LRRC4C: variants seen among roughly 807,000 people sequenced by gnomAD.
LRRC4C encodes the protein leucine-rich repeat-containing protein 4C.
A neutral mutation model predicts 33.6 loss-of-function variants in LRRC4C; 5 were observed. That is an observed-to-expected ratio of 0.15 (90% CI 0.08 to 0.31). The LOEUF (loss-of-function observed/expected upper bound fraction) is 0.31. Among genes scored for constraint, LRRC4C ranks in the 10% least tolerant of loss-of-function variants. LRRC4C has a pLI of 1.00. For missense variants in LRRC4C, 560 were observed against 796.7 expected, an observed-to-expected ratio of 0.70 and a Z score of 3.58; for synonymous variants, 329 against 302.0, an observed-to-expected ratio of 1.09 and a Z score of -0.93.
intron 2 of LRRC4C, among the ~76,000 whole-genome samples, chr11:40,843,918 C>A (rs1386611824): frequency 2.0e-5 from 3 of 152,242 alleles, no homozygotes; most frequent in African/African-American, 7.2e-5. Context: ...ATATAAGGAG[C>A]TTTACATGGC....
rs183529684 is a variant in LRRC4C at position 40,991,050 on chromosome 11, T to A, written c.-495-57327A>T. 8.4e-4 allele frequency among the ~76,000 whole-genome samples: 125 copies of A among 149,188 alleles called. 1 individual carries two copies. The highest frequency in any genetic ancestry group is 1.2e-4 in the Non-Finnish European group (8 of 67,490). ...CAGAAATGGCTACCAACAGTCATTT[T>A]CTCAGAAAATAACAAAGTGAGTCTA... On this transcript the variant is annotated intron_variant, in intron 1 of 6. Coordinates refer to ENST00000528697, the MANE Select transcript of LRRC4C (RefSeq NM_001258419.2).
At chr11:41,232,830 A>ACAATTAGC (rs1255123350) in intron 1 of LRRC4C, among the ~76,000 whole-genome samples, 2 of 151,864 alleles carry the variant, frequency 1.3e-5, no homozygotes, top group African/African-American at 4.8e-5. Flanking sequence ...TCAAATAAGA[A>ACAATTAGC]CAATTAGCAA....
chr11:40,750,838 T>C (rs1342831868), intron 2 of LRRC4C, among the ~76,000 whole-genome samples: 3 of 149,244 alleles, frequency 2.0e-5, no homozygotes, highest in Non-Finnish European at 4.5e-5. Context: ...TAGAGACCAA[T>C]ACCCCTGCTG....
intron 3 of LRRC4C, among the ~76,000 whole-genome samples, chr11:40,363,363 T>C (rs954916951): frequency 2.0e-5 from 3 of 151,986 alleles, no homozygotes; most frequent in Non-Finnish European, 4.4e-5. Context: ...GAGAACACAT[T>C]ATATGAACAC....
At chr11:40,470,004 G>A (rs1031006287) in intron 3 of LRRC4C, among the ~76,000 whole-genome samples, 1 of 152,188 alleles carries the variant, frequency 6.6e-6, no homozygotes, top group African/African-American at 2.4e-5. Context: ...GAGAAGAGTG[G>A]ATCTCCCAGC....
At chr11:41,385,796 T>G (rs530476866) in intron 1 of LRRC4C, among the ~76,000 whole-genome samples, 2 of 151,674 alleles carry the variant, frequency 1.3e-5, no homozygotes, top group East Asian at 3.9e-4. Flanking sequence ...GGGAAGATAG[T>G]TACCCTGCAG....
intron 2 of LRRC4C, among the ~76,000 whole-genome samples, chr11:40,789,386 T>A (rs1950542976): frequency 6.6e-6 from 1 of 152,166 alleles, no homozygotes; most frequent in Admixed American, 6.5e-5. Flanking sequence ...CATCTATACA[T>A]ATAAGGCTTT....
chr11:40,923,493 G>T (rs1957279111), intron 2 of LRRC4C, among the ~76,000 whole-genome samples: 2 of 152,180 alleles, frequency 1.3e-5, no homozygotes, highest in Admixed American at 1.3e-4. Flanking sequence ...AACAGTCAAT[G>T]TGCAATTTTC....
chr11:41,422,133 G>C (rs1440898745), intron 1 of LRRC4C, among the ~76,000 whole-genome samples: 1 of 151,974 alleles, frequency 6.6e-6, no homozygotes, highest in South Asian at 2.1e-4. Flanking sequence ...ATAACTAAAG[G>C]GTTGGAGGAA....
At chr11:41,397,677 T>A (rs375932021) in intron 1 of LRRC4C, among the ~76,000 whole-genome samples, 5 of 143,828 alleles carry the variant, frequency 3.5e-5, no homozygotes, top group African/African-American at 5.2e-5. Context: ...GAACAAAAAC[T>A]AAAAAAAAAA....
intron 1 of LRRC4C, among the ~76,000 whole-genome samples, chr11:41,246,143 C>T (rs1254484132): frequency 6.6e-6 from 1 of 152,146 alleles, no homozygotes; most frequent in East Asian, 1.9e-4. Context: ...CCGTCCATGG[C>T]ACCCAGGATG....
intron 3 of LRRC4C, among the ~76,000 whole-genome samples, chr11:40,395,187 A>C (rs1036975993): frequency 6.6e-6 from 1 of 152,110 alleles, no homozygotes; most frequent in Non-Finnish European, 1.5e-5. Context: ...GGAATCCTTA[A>C]ATTTAATTCA....
In LRRC4C at chr11:40,216,101, A is replaced by T. The variant is rs187005308; in HGVS notation, c.-96+25418T>A. On this transcript the variant is annotated intron_variant, in intron 5 of 6. Transcript: ENST00000528697. ...GGAGCAAATGGAGCAAATAAGAAAA[A>T]TAAGAAAGAAATTCTCCTTGTTAAA... Among the ~76,000 whole-genome samples the T allele has an allele frequency of 3.2e-4, 48 of 152,298 alleles. No homozygotes were observed. The East Asian group carries it at 9.3e-3, about 29-fold the overall frequency.
intron 6 of LRRC4C, among the ~76,000 whole-genome samples, chr11:40,130,618 A>G (rs891937160): frequency 1.3e-5 from 2 of 152,120 alleles, no homozygotes; most frequent in African/African-American, 4.8e-5. Flanking sequence ...TAGCAACCTC[A>G]GTTGTGACAA....
chr11:40,568,778 C>T (rs1368825287), intron 3 of LRRC4C, among the ~76,000 whole-genome samples: 1 of 152,068 alleles, frequency 6.6e-6, no homozygotes, highest in African/African-American at 2.4e-5. Context: ...GAGGGTCAGT[C>T]AACTATGGCA....
intron 3 of LRRC4C, among the ~76,000 whole-genome samples, chr11:40,495,811 ATGTTTTT>A (rs1296978791): frequency 5.8e-5 from 3 of 51,904 alleles, no homozygotes; most frequent in Non-Finnish European, 8.2e-5. Flanking sequence ...CTCAATAAAC[ATGTTTTT>A]TTTTTTTTTT....
chr11:41,202,939 C>T (rs1946459122), intron 1 of LRRC4C, among the ~76,000 whole-genome samples: 1 of 152,148 alleles, frequency 6.6e-6, no homozygotes, highest in Non-Finnish European at 1.5e-5. Context: ...GCATGTGCCA[C>T]CATATCCAGC....
intron 1 of LRRC4C, among the ~76,000 whole-genome samples, chr11:41,018,986 C>T (rs1210536116): frequency 6.6e-6 from 1 of 152,110 alleles, no homozygotes; most frequent in East Asian, 1.9e-4. Context: ...AGAATATTTA[C>T]TTCCATCCCT....
chr11:41,434,876 T>C (rs1174924897), intron 1 of LRRC4C, among the ~76,000 whole-genome samples: 1 of 152,176 alleles, frequency 6.6e-6, no homozygotes, highest in Non-Finnish European at 1.5e-5. Context: ...AGAATACTCT[T>C]TCTATTCTTG....
Sources: allele counts gnomAD v4.1 joint callset (sites outside exome capture counted in the v4.1 genomes callset), GRCh38; gene constraint gnomAD v4.1.1; transcripts MANE v1.5; gene names NCBI Gene and HGNC (gene_info 2026-07-23, HGNC 2026-07-21).